Variants in KBTBD13 observed in about 807,000 individuals in gnomAD.
KBTBD13 encodes the protein kelch repeat and BTB domain containing 13, also known as kelch repeat and BTB domain-containing protein 13.
Under a neutral mutation model 25.4 loss-of-function variants are expected in KBTBD13, and 32 were observed. That is an observed-to-expected ratio of 1.26 (90% CI 0.95 to 1.69). KBTBD13 has a LOEUF of 1.69. Among genes scored for constraint, KBTBD13 ranks in the 40% most tolerant of loss-of-function variants. The pLI, the probability that KBTBD13 is intolerant of heterozygous loss-of-function variation, is 0.00. For missense variants in KBTBD13, 898 were observed against 679.5 expected, an observed-to-expected ratio of 1.32 and a Z score of -3.57; for synonymous variants, 436 against 329.8, an observed-to-expected ratio of 1.32 and a Z score of -3.49.
chr15:65,079,034 C>G lies in KBTBD13; in HGVS notation c.*842C>G, dbSNP rs1246426758. Among the ~76,000 whole-genome samples, 1 of 152,176 alleles carries G rather than the reference C, an allele frequency of 6.6e-6. No individual in the cohort carries two copies. Among genetic ancestry groups the G allele is most frequent in the Non-Finnish European group, 1.5e-5 (1 of 68,034 alleles). On this transcript the variant is annotated 3_prime_UTR_variant, in exon 1 of 1. Transcript: ENST00000432196. ...CAGCTTGCAGCAGATAATGACTGAG[C>G]TGAGCCTGGAGTGAGACCTGTGGGG...
Position 65,076,873 on chromosome 15 carries a change from G to A in KBTBD13, c.58G>A (p.Ala20Thr), listed in dbSNP as rs749605981. The A allele has an allele frequency of 1.2e-5, 18 of 1,564,306 alleles. No homozygotes were observed. Among genetic ancestry groups the A allele is most frequent in the Non-Finnish European group, 1.4e-5 (16 of 1,162,726 alleles). ...QVWVGGQLFQ[A>T]DRALLVEHCG... Reference sequence around the variant, plus strand: ...GTGGGTGGGCGGCCAGCTCTTCCAAGCCGACCGCGCCCTGCTGGTGGAGCA... The same window carrying A: ...GTGGGTGGGCGGCCAGCTCTTCCAAACCGACCGCGCCCTGCTGGTGGAGCA... Residue 20 changes from alanine (A) to threonine (T), a missense_variant, in exon 1 of 1, where the codon GCC (alanine) becomes ACC (threonine). Ala to Thr is a moderately conservative substitution (Grantham distance 58, BLOSUM62 0). Coordinates refer to ENST00000432196, the MANE Select transcript of KBTBD13 (RefSeq NM_001101362.3).
Sources: gnomAD v4.1 joint callset for allele counts (sites outside exome capture counted in the v4.1 genomes callset) on GRCh38, gnomAD v4.1.1 for gene constraint, MANE v1.5 for transcripts, NCBI Gene and HGNC (gene_info 2026-07-23, HGNC 2026-07-21) for gene names.